Variants in ANKS1B observed in about 807,000 individuals in gnomAD.
The protein encoded by ANKS1B is ankyrin repeat and sterile alpha motif domain containing 1B.
ANKS1B carries 36 observed loss-of-function variants against 148.3 expected under a neutral mutation model. The ratio of observed to expected loss-of-function variants is 0.24; its 90% CI spans 0.19 to 0.32. The LOEUF is 0.32. Among genes scored for constraint, ANKS1B ranks in the 10% least tolerant of loss-of-function variants. The pLI, the probability that ANKS1B is intolerant of heterozygous loss-of-function variation, is 1.00. For missense variants in ANKS1B, 1,157 were observed against 1,542.6 expected (o/e 0.75, Z 4.19); for synonymous variants, 542 against 560.8 (o/e 0.97, Z 0.47).
chr12:99,671,989 T>C (rs2098540407), intron 8 of ANKS1B, among the ~76,000 whole-genome samples: 1 of 152,146 alleles, frequency 6.6e-6, no homozygotes, highest in African/African-American at 2.4e-5. Flanking sequence ...CTTTTCTTTT[T>C]TGAGATAAAA....
intron 12 of ANKS1B, among the ~76,000 whole-genome samples, chr12:99,388,248 A>G (rs1187888071): frequency 6.6e-6 from 1 of 152,232 alleles, no homozygotes; most frequent in Non-Finnish European, 1.5e-5. Context: ...GATCCCTAAT[A>G]TAGTCTCCCA....
intron 22 of ANKS1B, among the ~76,000 whole-genome samples, chr12:98,785,282 C>T (rs936552848): frequency 3.3e-5 from 5 of 152,076 alleles, no homozygotes; most frequent in Non-Finnish European, 7.4e-5. Flanking sequence ...CAAGCCTGGC[C>T]AACATGGCAA....
rs766952972 is a variant in ANKS1B at position 99,962,201 on chromosome 12, A to G, written c.134+21903T>C. On this transcript the variant is annotated intron_variant, in intron 1 of 26. Coordinates refer to ENST00000683438, the MANE Select transcript of ANKS1B (RefSeq NM_001352186.2). ...CCCGTCCTCTAAGTTCTCTTCCCTA[A>G]CCCTCCCACCCCCATCAGGCCCTGG... Among the ~76,000 whole-genome samples the G allele has an allele frequency of 7.3e-5, 11 of 151,414 alleles. No homozygotes were observed. In the South Asian group the frequency reaches 1.5e-3, roughly 20 times the overall value.
At chr12:99,080,432 C>T (rs1229607735) in intron 16 of ANKS1B, among the ~76,000 whole-genome samples, 3 of 152,144 alleles carry the variant, frequency 2.0e-5, no homozygotes, top group Non-Finnish European at 4.4e-5. Flanking sequence ...TAGACAACTA[C>T]TAAGTAATTC....
chr12:99,513,427 G>A (rs938911505), intron 9 of ANKS1B, among the ~76,000 whole-genome samples: 3 of 151,982 alleles, frequency 2.0e-5, no homozygotes, highest in African/African-American at 4.8e-5. Context: ...TTGATTAGTG[G>A]AGCGTTTAAA....
intron 12 of ANKS1B, among the ~76,000 whole-genome samples, chr12:99,269,758 A>G (rs2076839717): frequency 6.6e-6 from 1 of 152,026 alleles, no homozygotes; most frequent in Admixed American, 6.6e-5. Context: ...ACAGGGTTTC[A>G]CCTTGTTAGC....
intron 8 of ANKS1B, among the ~76,000 whole-genome samples, chr12:99,734,652 C>T (rs1567743305): frequency 6.6e-6 from 1 of 152,124 alleles, no homozygotes; most frequent in Non-Finnish European, 1.5e-5. Flanking sequence ...CACAAACCAC[C>T]AACTCATCTT....
chr12:99,915,734 C>T (rs1402679932), intron 1 of ANKS1B, among the ~76,000 whole-genome samples: 4 of 152,114 alleles, frequency 2.6e-5, no homozygotes, highest in South Asian at 2.1e-4. Flanking sequence ...GCTGCTGTCA[C>T]GAACTAAGTG....
intron 12 of ANKS1B, among the ~76,000 whole-genome samples, chr12:99,313,458 C>G (rs2083486004): frequency 6.6e-6 from 1 of 152,058 alleles, no homozygotes; most frequent in Non-Finnish European, 1.5e-5. Flanking sequence ...GGCAGAGACA[C>G]AACAACAACA....
intron 8 of ANKS1B, among the ~76,000 whole-genome samples, chr12:99,768,031 A>C (rs1460309203): frequency 6.6e-6 from 1 of 152,206 alleles, no homozygotes; most frequent in African/African-American, 2.4e-5. Flanking sequence ...AAGAGACAAC[A>C]AAAGCTAAAC....
At chr12:99,319,242 C>G (rs1201163611) in intron 12 of ANKS1B, among the ~76,000 whole-genome samples, 1 of 152,072 alleles carries the variant, frequency 6.6e-6, no homozygotes, top group African/African-American at 2.4e-5. Context: ...AACTTTCTGT[C>G]TTGTTGATCT....
intron 17 of ANKS1B, among the ~76,000 whole-genome samples, chr12:98,981,420 C>T (rs1660680538): frequency 6.6e-6 from 1 of 152,136 alleles, no homozygotes; most frequent in South Asian, 2.1e-4. Flanking sequence ...ACTGCAACAT[C>T]CGCCTCCTGG....
intron 25 of ANKS1B, among the ~76,000 whole-genome samples, chr12:98,755,720 T>A (rs2098223424): frequency 6.6e-6 from 1 of 152,084 alleles, no homozygotes; most frequent in African/African-American, 2.4e-5. Context: ...AGGGGTGAAA[T>A]AACTTTCCAG....
chr12:98,777,888 C>A (rs188223326), intron 24 of ANKS1B, among the ~76,000 whole-genome samples: 1 of 152,296 alleles, frequency 6.6e-6, no homozygotes, highest in African/African-American at 2.4e-5. Context: ...GAGTAATTAA[C>A]ACACAATGAA....
At chr12:99,610,565 T>C (rs1013110823) in intron 9 of ANKS1B, among the ~76,000 whole-genome samples, 8 of 152,038 alleles carry the variant, frequency 5.3e-5, no homozygotes, top group African/African-American at 1.2e-4. Context: ...CTAGTTTCTA[T>C]GGCCTGCCTT....
intron 9 of ANKS1B, among the ~76,000 whole-genome samples, chr12:99,596,313 C>G (rs1028622829): frequency 6.6e-6 from 1 of 151,718 alleles, no homozygotes; most frequent in African/African-American, 2.4e-5. Context: ...CTTGGTGTTC[C>G]TTGGCTTGAA....
chr12:99,062,577 G>C (rs769068216), intron 16 of ANKS1B, among the ~76,000 whole-genome samples: 48 of 152,274 alleles, frequency 3.2e-4, no homozygotes, highest in Non-Finnish European at 5.9e-4. Flanking sequence ...CTAATAAAAT[G>C]ATGAAGGAGA....
intron 9 of ANKS1B, among the ~76,000 whole-genome samples, chr12:99,597,800 T>G (rs569921629): frequency 6.6e-6 from 1 of 152,120 alleles, no homozygotes; most frequent in African/African-American, 2.4e-5. Flanking sequence ...TCAAGGCACA[T>G]GAAAGGATCT....
At chr12:99,106,682 T>G (rs2059294849) in intron 15 of ANKS1B, among the ~76,000 whole-genome samples, 1 of 152,202 alleles carries the variant, frequency 6.6e-6, no homozygotes, top group Non-Finnish European at 1.5e-5. Flanking sequence ...ATCTCAAGCA[T>G]TTATCATTTC....
Sources: allele counts gnomAD v4.1 joint callset (sites outside exome capture counted in the v4.1 genomes callset), GRCh38; gene constraint gnomAD v4.1.1; transcripts MANE v1.5; gene names NCBI Gene and HGNC (gene_info 2026-07-23, HGNC 2026-07-21).